Variants in STAT3 observed in about 807,000 individuals in gnomAD.
STAT3 encodes the protein signal transducer and activator of transcription 3.
In STAT3, 7 loss-of-function variants were observed where a neutral mutation model predicts 114.3. The ratio of observed to expected loss-of-function variants is 0.06; its 90% CI spans 0.03 to 0.11. STAT3 has a LOEUF of 0.11. Among genes scored for constraint, STAT3 ranks in the 10% least tolerant of loss-of-function variants. The pLI is 1.00. For synonymous variants in STAT3, 331 were observed against 354.5 expected, an observed-to-expected ratio of 0.93 and a Z score of 0.74; for missense variants, 364 against 960.9, an observed-to-expected ratio of 0.38 and a Z score of 8.21.
At chr17:42,342,628 G>A (rs1269591425) in intron 4 of STAT3, among the ~76,000 whole-genome samples, 1 of 152,132 alleles carries the variant, frequency 6.6e-6, no homozygotes, top group Non-Finnish European at 1.5e-5. Context: ...TTACATGTAT[G>A]AATTAATTCT....
chr17:42,388,034 C>A, intron 1 of STAT3: 1 of 429,532 alleles, frequency 2.3e-6, no homozygotes, highest in Admixed American at 4.5e-5. Context: ...CCCACGGTGC[C>A]CCCTCGAGCG....
At chr17:42,374,461 T>G (rs1268895276) in intron 1 of STAT3, among the ~76,000 whole-genome samples, 1 of 151,708 alleles carries the variant, frequency 6.6e-6, no homozygotes, top group Non-Finnish European at 1.5e-5. Flanking sequence ...TACAAAAAAA[T>G]TAGCCAGGCA....
chr17:42,372,944 G>A (rs149456787), intron 1 of STAT3, among the ~76,000 whole-genome samples: 38 of 152,250 alleles, frequency 2.5e-4, no homozygotes, highest in Non-Finnish European at 4.0e-4. Flanking sequence ...TGTAAGGGAC[G>A]TACTATACTA....
At chr17:42,384,132 A>ATTTTTTTT (rs371933640) in intron 1 of STAT3, among the ~76,000 whole-genome samples, 2 of 134,914 alleles carry the variant, frequency 1.5e-5, no homozygotes, top group African/African-American at 2.8e-5. Context: ...TTATTTATTT[A>ATTTTTTTT]TTTTTTTTTT....
intron 1 of STAT3, among the ~76,000 whole-genome samples, chr17:42,379,418 A>G (rs1209741376): frequency 6.6e-6 from 1 of 152,196 alleles, no homozygotes; most frequent in African/African-American, 2.4e-5. Flanking sequence ...ACAGGAAAAT[A>G]AAGGTCTACC....
At chr17:42,374,610 CAA>C (rs1260078348) in intron 1 of STAT3, among the ~76,000 whole-genome samples, 12 of 120,926 alleles carry the variant, frequency 9.9e-5, no homozygotes, top group Non-Finnish European at 1.3e-4. Context: ...AACTCCATCT[CAA>C]AAAAAAAAAA....
At chr17:42,339,255 CAAA>C (rs397712608) in intron 5 of STAT3, 56 bp downstream of exon 5, 2,029 of 1,332,984 alleles carry the variant, frequency 1.5e-3, no homozygotes, top group Middle Eastern at 2.0e-3. Context: ...GACCCTGTCT[CAAA>C]AAAAAAAAAA....
intron 11 of STAT3, among the ~76,000 whole-genome samples, chr17:42,330,400 G>A (rs1265783648): frequency 2.7e-5 from 4 of 150,208 alleles, no homozygotes; most frequent in South Asian, 2.1e-4. Flanking sequence ...ACAGGCGTGA[G>A]CCACCGCGCC....
At chr17:42,388,230 C>G (rs1050473383) in intron 1 of STAT3, 49 bp downstream of exon 1, 9 of 1,231,668 alleles carry the variant, frequency 7.3e-6, no homozygotes, top group Non-Finnish European at 7.1e-6. Flanking sequence ...GCTGCGGAGC[C>G]CCCGGGTCCC....
chr17:42,343,455 CTTTT>C (rs34846688), intron 4 of STAT3, among the ~76,000 whole-genome samples: 7 of 99,144 alleles, frequency 7.1e-5, no homozygotes, highest in African/African-American at 2.4e-4. Flanking sequence ...TCAGATCTTT[CTTTT>C]TTTTTTTTTT....
chr17:42,330,317 T>C (rs1161243469), intron 11 of STAT3, among the ~76,000 whole-genome samples: 1 of 152,040 alleles, frequency 6.6e-6, no homozygotes, highest in Admixed American at 6.6e-5. Context: ...GGTTTCTCCA[T>C]GTTGGTCGGG....
At chr17:42,339,050 A>G (rs964638949) in intron 5 of STAT3, among the ~76,000 whole-genome samples, 19 of 152,084 alleles carry the variant, frequency 1.2e-4, no homozygotes, top group Non-Finnish European at 2.2e-4. Context: ...CCAGGAGTTC[A>G]TGATCAGCCT....
chr17:42,325,049 G>T lies in STAT3; in HGVS notation c.1378C>A (p.Pro460Thr). The change falls in exon 16 of 24, where the codon CCA becomes ACA. Residue 460 changes from proline (P) to threonine (T), a missense_variant. Physicochemically the swap from Pro to Thr is conservative, Grantham distance 38. Coordinates refer to ENST00000264657, the MANE Select transcript of STAT3 (RefSeq NM_139276.3). Reference protein sequence around the residue: ...LKIDLETHSLPVVVISNICQM... With the variant: ...LKIDLETHSLTVVVISNICQM... ...CAGATGTTGGAGATCACCACAACTG[G>T]CAAGGAGTGGGTCTGCGGAGGGAGT... 2 of 1,614,028 alleles carry T rather than the reference G, an allele frequency of 1.2e-6. No individual in the cohort carries two copies. Among genetic ancestry groups the T allele is most frequent in the Non-Finnish European group, 1.7e-6 (2 of 1,179,930 alleles).
At position 42,333,324 on chromosome 17, in the gene STAT3, C is replaced by G. The variant is rs932100475; in HGVS notation, c.1049+349G>C. On this transcript the variant is annotated intron_variant, in intron 10 of 23. Transcript: ENST00000264657. This position sits in a 1 kb window ranked among gnomAD's most constrained non-coding sequence, Gnocchi z 5.2. ...CTGGGGCCTCTCAGCTTCCCCATCA[C>G]TAAGCCTTACTCTTTCCCTTAAAAT... Among the ~76,000 whole-genome samples, 3 of 152,112 alleles carry G rather than the reference C, an allele frequency of 2.0e-5. No individual in the cohort carries two copies. Among genetic ancestry groups the G allele is most frequent in the African/African-American group, 4.8e-5 (2 of 41,416 alleles).
In STAT3 at chr17:42,354,806, CA is replaced by C. The variant is rs59204136; in HGVS notation, c.-23-6268del. Among the ~76,000 whole-genome samples, 182 of 104,280 alleles carry C rather than the reference CA, an allele frequency of 1.7e-3. 1 individual carries two copies. The highest frequency in any genetic ancestry group is 2.5e-3 in the Admixed American group (26 of 10,336). The allele number at this position is 104,280 out of a possible 152,430, so 68.4% of individuals were successfully genotyped here. ...TGGGCAACAGAGTGAGACTCTGTCT[CA>C]AAAAAAAAAAAAAGAAGGCACCAGG... On this transcript the variant is annotated intron_variant, in intron 1 of 23. Coordinates refer to ENST00000264657, the MANE Select transcript of STAT3 (RefSeq NM_139276.3).
chr17:42,348,327 T>C, intron 2 of STAT3, 62 bp downstream of exon 2: 1 of 1,603,648 alleles, frequency 6.2e-7, no homozygotes, highest in Non-Finnish European at 8.5e-7. Context: ...ACATTAAGAG[T>C]TCATGTCTCT....
At chr17:42,386,549 C>T (rs2085115076) in intron 1 of STAT3, among the ~76,000 whole-genome samples, 2 of 152,172 alleles carry the variant, frequency 1.3e-5, no homozygotes, top group South Asian at 4.1e-4. Flanking sequence ...GATGGGTTCT[C>T]ATTATGGTGC....
chr17:42,367,436 C>A (rs1286304705), intron 1 of STAT3, among the ~76,000 whole-genome samples: 1 of 152,130 alleles, frequency 6.6e-6, no homozygotes, highest in East Asian at 1.9e-4. Flanking sequence ...CCAGTCAATC[C>A]ATTTTGCCCC....
intron 1 of STAT3, among the ~76,000 whole-genome samples, chr17:42,350,056 C>CAA (rs34972443): frequency 7.3e-6 from 1 of 136,552 alleles, no homozygotes. Context: ...ACTCTGTCTC[C>CAA]AAAAAAAAAA....
Sources: allele counts gnomAD v4.1 joint callset (sites outside exome capture counted in the v4.1 genomes callset), GRCh38; gene constraint gnomAD v4.1.1; non-coding constraint Gnocchi (gnomAD v3.1); transcripts MANE v1.5; gene names NCBI Gene and HGNC (gene_info 2026-07-23, HGNC 2026-07-21).